SGCZ: variants seen among roughly 807,000 people sequenced by gnomAD.
SGCZ encodes the protein sarcoglycan zeta.
In SGCZ, 40 loss-of-function variants were observed where a neutral mutation model predicts 41.3. That is an observed-to-expected ratio of 0.97 (90% CI 0.75 to 1.26). The LOEUF is 1.26. Ranked by LOEUF, SGCZ falls within the 50% of genes most tolerant of loss-of-function variation. The pLI is 0.00. For missense variants in SGCZ, 552 were observed against 369.8 expected (o/e 1.49, Z -4.04); for synonymous variants, 206 against 137.5 (o/e 1.50, Z -3.49).
intron 2 of SGCZ, among the ~76,000 whole-genome samples, chr8:14,414,189 C>T (rs904411950): frequency 1.5e-4 from 23 of 151,832 alleles, no homozygotes; most frequent in Admixed American, 7.2e-4. Flanking sequence ...CGCACACACT[C>T]GCGCACACAC....
intron 1 of SGCZ, among the ~76,000 whole-genome samples, chr8:14,591,647 A>T (rs1805244259): frequency 6.6e-6 from 1 of 152,144 alleles, no homozygotes; most frequent in Non-Finnish European, 1.5e-5. Flanking sequence ...TTTATAAATC[A>T]CTTCACTATG....
intron 1 of SGCZ, among the ~76,000 whole-genome samples, chr8:15,018,838 G>C (rs565087995): frequency 1.3e-5 from 2 of 152,322 alleles, no homozygotes; most frequent in Admixed American, 6.5e-5. Context: ...AGGCTGTACA[G>C]GAAGCATGGC....
At chr8:14,164,455 A>C in intron 5 of SGCZ, 125 bp downstream of exon 5, 1 of 1,177,050 alleles carries the variant, frequency 8.5e-7, no homozygotes, top group Non-Finnish European at 1.2e-6. Flanking sequence ...TTGAAGAACA[A>C]ACGTTGTGAT....
At chr8:14,276,899 G>A (rs532355137) in intron 3 of SGCZ, among the ~76,000 whole-genome samples, 1 of 151,972 alleles carries the variant, frequency 6.6e-6, no homozygotes, top group African/African-American at 2.4e-5. Context: ...ATTTATATAG[G>A]GTGTACACCA....
chr8:14,669,398 TAA>T lies in SGCZ; in HGVS notation c.40-114474_40-114473del, dbSNP rs1307652571. ...GTAAGTAAGTAAGTAAATAAATAAA[TAA>T]ATAAATAAATAGGGTTCCATTACTT... On this transcript the variant is annotated intron_variant, in intron 1 of 7. Transcript: ENST00000382080. Among the ~76,000 whole-genome samples the T allele has an allele frequency of 1.1e-3, 167 of 151,594 alleles. 2 individuals are homozygous for T. The highest frequency in any genetic ancestry group is 3.8e-3 in the African/African-American group (157 of 41,266).
intron 1 of SGCZ, among the ~76,000 whole-genome samples, chr8:15,139,062 A>C (rs932206877): frequency 6.6e-6 from 1 of 152,142 alleles, no homozygotes; most frequent in Non-Finnish European, 1.5e-5. Context: ...ATTTCCCTAA[A>C]ATTTTATTTT....
chr8:15,187,070 A>C (rs985628428), intron 1 of SGCZ, among the ~76,000 whole-genome samples: 15 of 152,188 alleles, frequency 9.9e-5, no homozygotes, highest in African/African-American at 3.6e-4. Flanking sequence ...GCCAACAAGA[A>C]GTTTTAAATT....
intron 5 of SGCZ, among the ~76,000 whole-genome samples, chr8:14,160,110 TA>T (rs939072982): frequency 5.9e-5 from 9 of 151,858 alleles, no homozygotes; most frequent in African/African-American, 1.7e-4. Context: ...TGCTACTGTC[TA>T]AAAAAAAGCA....
At position 14,302,108 on chromosome 8, in the gene SGCZ, T is replaced by C. The variant is rs1801211961; in HGVS notation, c.336+21995A>G. 1.3e-5 allele frequency among the ~76,000 whole-genome samples: 2 copies of C among 152,198 alleles called. 1 individual carries two copies. The highest frequency in any genetic ancestry group is 4.1e-4 in the South Asian group (2 of 4,838). ...CAACTTAAAGGTGCATGCATCACTG[T>C]AATTGAATCAAAATGTGGGAGAGGA... is the stretch of plus-strand genomic sequence containing the variant. On this transcript the variant is annotated intron_variant, in intron 3 of 7. Coordinates refer to ENST00000382080, the MANE Select transcript of SGCZ (RefSeq NM_139167.4).
At chr8:14,842,938 C>T (rs1802976074) in intron 1 of SGCZ, among the ~76,000 whole-genome samples, 1 of 152,210 alleles carries the variant, frequency 6.6e-6, no homozygotes, top group African/African-American at 2.4e-5. Context: ...CTTGCCTGGG[C>T]ACGGTGGCTC....
chr8:15,091,906 T>C (rs1806166249), intron 1 of SGCZ, among the ~76,000 whole-genome samples: 1 of 151,942 alleles, frequency 6.6e-6, no homozygotes, highest in African/African-American at 2.4e-5. Context: ...GCTCACACCA[T>C]TATGCCTAGT....
At chr8:14,131,888 G>A (rs554936381) in intron 5 of SGCZ, among the ~76,000 whole-genome samples, 1 of 152,196 alleles carries the variant, frequency 6.6e-6, no homozygotes, top group East Asian at 1.9e-4. Flanking sequence ...TTGTAACCTA[G>A]GAGCAGTAGG....
intron 1 of SGCZ, among the ~76,000 whole-genome samples, chr8:15,118,784 G>A (rs1807368657): frequency 6.6e-6 from 1 of 152,106 alleles, no homozygotes; most frequent in Admixed American, 6.5e-5. Context: ...AATTATGACA[G>A]GTTATTTTCC....
intron 1 of SGCZ, among the ~76,000 whole-genome samples, chr8:15,154,591 T>A (rs17575426): frequency 0.073 from 11,065 of 152,258 alleles, 418 homozygotes; most frequent in Non-Finnish European, 0.078. Context: ...AGGCAGAAAC[T>A]TCAGAATGCC....
At chr8:15,122,202 G>T (rs1034243010) in intron 1 of SGCZ, among the ~76,000 whole-genome samples, 1 of 151,508 alleles carries the variant, frequency 6.6e-6, no homozygotes, top group Non-Finnish European at 1.5e-5. Flanking sequence ...TCTGCAATGG[G>T]TATGAAGAAA....
At chr8:14,586,522 CTTT>C in intron 1 of SGCZ, among the ~76,000 whole-genome samples, 1 of 152,096 alleles carries the variant, frequency 6.6e-6, no homozygotes, top group Non-Finnish European at 1.5e-5. Flanking sequence ...GCAAAATATG[CTTT>C]CATTTATTAA....
chr8:14,167,261 A>G (rs1490988101), intron 4 of SGCZ, among the ~76,000 whole-genome samples: 1 of 152,148 alleles, frequency 6.6e-6, no homozygotes, highest in Non-Finnish European at 1.5e-5. Context: ...GTAACATCAC[A>G]TGTTCTCTAA....
chr8:15,128,697 C>A (rs1053574773), intron 1 of SGCZ, among the ~76,000 whole-genome samples: 3 of 152,130 alleles, frequency 2.0e-5, no homozygotes, highest in Non-Finnish European at 4.4e-5. Flanking sequence ...AACACATGTC[C>A]CCACAAAACT....
chr8:14,368,123 G>C (rs1398274299), intron 2 of SGCZ, among the ~76,000 whole-genome samples: 1 of 151,990 alleles, frequency 6.6e-6, no homozygotes, highest in Non-Finnish European at 1.5e-5. Flanking sequence ...TGTACACTGG[G>C]TTTTGGACAT....
Sources: gnomAD v4.1 joint callset for allele counts (sites outside exome capture counted in the v4.1 genomes callset) on GRCh38, gnomAD v4.1.1 for gene constraint, MANE v1.5 for transcripts, NCBI Gene and HGNC (gene_info 2026-07-23, HGNC 2026-07-21) for gene names.